The following KIF5C variants were observed in gnomAD, a reference collection of about 807,000 sequenced individuals.
The protein encoded by KIF5C is kinesin family member 5C, also known as kinesin heavy chain isoform 5C.
Under a neutral mutation model 125.2 loss-of-function variants are expected in KIF5C, and 18 were observed. The observed-to-expected ratio is 0.14, with a 90% CI of 0.10 to 0.21. The LOEUF (loss-of-function observed/expected upper bound fraction) is 0.21. KIF5C is among the 10% of genes least tolerant of loss of function. The probability of loss-of-function intolerance (pLI) is 1.00; values close to 1 mark genes in which losing one functional copy is unlikely to be tolerated. For synonymous variants in KIF5C, 405 were observed against 434.0 expected (o/e 0.93, Z 0.83); for missense variants, 780 against 1,183.8 (o/e 0.66, Z 5.01).
At chr2:148,972,940 A>G (rs1680958229) in intron 11 of KIF5C, among the ~76,000 whole-genome samples, 1 of 152,210 alleles carries the variant, frequency 6.6e-6, no homozygotes. Flanking sequence ...TAATTAATTC[A>G]TAATTAGGAT....
chr2:149,003,148 G>A (rs1447727324), intron 21 of KIF5C, among the ~76,000 whole-genome samples: 1 of 152,170 alleles, frequency 6.6e-6, no homozygotes, highest in Non-Finnish European at 1.5e-5. Context: ...AGTGTATGCC[G>A]TTTTAGACTC....
chr2:148,997,925 T>A (rs1681728216), intron 18 of KIF5C: 1 of 167,310 alleles, frequency 6.0e-6, no homozygotes, highest in African/African-American at 2.4e-5. Flanking sequence ...GTCGTGGGAG[T>A]CCCTTTCCTG....
chr2:148,963,489 C>A (rs1279844946), intron 11 of KIF5C, among the ~76,000 whole-genome samples: 1 of 152,160 alleles, frequency 6.6e-6, no homozygotes, highest in Non-Finnish European at 1.5e-5. Flanking sequence ...CAAAAATGAC[C>A]TAGTAGTCTA....
intron 24 of KIF5C, among the ~76,000 whole-genome samples, chr2:149,010,823 G>A (rs571592441): frequency 6.6e-6 from 1 of 152,344 alleles, no homozygotes; most frequent in Non-Finnish European, 1.5e-5. Flanking sequence ...ATCCATGACA[G>A]GGTGTGGCTA....
intron 1 of KIF5C, chr2:148,883,645 A>G (rs1438406110): frequency 1.3e-5 from 2 of 152,172 alleles, no homozygotes; most frequent in Non-Finnish European, 2.9e-5. Context: ...AAACTGTTTT[A>G]CTTAATAGTA....
At chr2:149,018,709 T>TA (rs569715692) in intron 25 of KIF5C, among the ~76,000 whole-genome samples, 110 of 152,180 alleles carry the variant, frequency 7.2e-4, no homozygotes, top group South Asian at 4.6e-3. Flanking sequence ...TATGGCAGCT[T>TA]ACGCCTGTAG....
At chr2:148,894,231 T>C (rs974414152) in intron 1 of KIF5C, among the ~76,000 whole-genome samples, 1 of 152,236 alleles carries the variant, frequency 6.6e-6, no homozygotes, top group African/African-American at 2.4e-5. Flanking sequence ...AGTTATCCAG[T>C]TGGCAGTGCC....
chr2:148,984,651 C>T (rs546874418), intron 15 of KIF5C, among the ~76,000 whole-genome samples: 1 of 152,276 alleles, frequency 6.6e-6, no homozygotes, highest in East Asian at 1.9e-4. Flanking sequence ...CCTTACACTT[C>T]ATTGGCCAGA....
rs950424699 is a variant in KIF5C at position 149,026,441 on chromosome 2, C to A, written c.*3371C>A. ...GGGCATTCTGTAGAATTATACATGT[C>A]TAGTTTGTAAAGTGTGTCCTGTGTA... On this transcript the variant is annotated 3_prime_UTR_variant, in exon 26 of 26. Coordinates refer to ENST00000435030, the MANE Select transcript of KIF5C (RefSeq NM_004522.3). The A allele has an allele frequency of 6.6e-6, 1 of 152,170 alleles. No individual in the cohort carries two copies. The highest frequency in any genetic ancestry group is 1.5e-5 in the Non-Finnish European group (1 of 68,028). The allele number at this position is 152,170 out of a possible 1,614,324, so 9.4% of individuals were successfully genotyped here. A position where few individuals can be genotyped will look rare whatever the true frequency, so the allele number is the denominator to read the frequency against.
chr2:148,906,480 G>A lies in KIF5C; in HGVS notation c.127-15657G>A, dbSNP rs1462191067. ...GACACAGTAGCTCATGCCTGTAATC[G>A]CAGCTAAGGTGGGAGTATTGCTTGA... On this transcript the variant is annotated intron_variant, in intron 1 of 25. Transcript: ENST00000435030. Among the ~76,000 whole-genome samples, 7 of 152,214 alleles carry A rather than the reference G, an allele frequency of 4.6e-5. No homozygotes were observed. In the East Asian group the frequency reaches 9.7e-4, roughly 21 times the overall value.
In KIF5C at chr2:149,014,440, G is replaced by A. The variant is rs192841352; in HGVS notation, c.*7+2757G>A. On this transcript the variant is annotated intron_variant, in intron 25 of 25. Transcript: ENST00000435030. ...GCTTCAGACACAGCTTCTGTAACTA[G>A]GTGCTTCTCTCACCAGGTTACAAAA... Among the ~76,000 whole-genome samples the A allele has an allele frequency of 2.0e-3, 303 of 152,280 alleles. 2 individuals are homozygous for A. Among genetic ancestry groups the A allele is most frequent in the African/African-American group, 6.9e-3 (287 of 41,540 alleles).
intron 15 of KIF5C, among the ~76,000 whole-genome samples, chr2:148,987,039 T>G (rs1434160018): frequency 1.3e-5 from 2 of 152,208 alleles, no homozygotes; most frequent in African/African-American, 2.4e-5. Flanking sequence ...TTTTTCATAA[T>G]GGGTTGCAGC....
intron 14 of KIF5C, 142 bp from the exon 15 acceptor site, chr2:148,983,478 C>G: frequency 8.5e-7 from 1 of 1,181,762 alleles, no homozygotes; most frequent in Non-Finnish European, 1.1e-6. Context: ...CAGTGCTATG[C>G]GAGAGTTTGC....
At chr2:149,006,533 G>T (rs1253385313) in intron 22 of KIF5C, among the ~76,000 whole-genome samples, 1 of 152,208 alleles carries the variant, frequency 6.6e-6, no homozygotes, top group Non-Finnish European at 1.5e-5. Context: ...CATGGTTCAG[G>T]CTGCCAAGGT....
At chr2:148,978,433 CT>C (rs1197597329) in intron 12 of KIF5C, among the ~76,000 whole-genome samples, 1 of 136,954 alleles carries the variant, frequency 7.3e-6, no homozygotes, top group Non-Finnish European at 1.5e-5. Flanking sequence ...TCATTTTTCT[CT>C]GGTCTGAGAG....
At chr2:148,964,504 C>T (rs1264156321) in intron 11 of KIF5C, among the ~76,000 whole-genome samples, 5 of 152,058 alleles carry the variant, frequency 3.3e-5, no homozygotes, top group African/African-American at 7.2e-5. Context: ...ACGGTCTGAG[C>T]GGGGAGGAAG....
At chr2:148,887,690 T>G (rs1214961120) in intron 1 of KIF5C, among the ~76,000 whole-genome samples, 2 of 151,498 alleles carry the variant, frequency 1.3e-5, no homozygotes, top group Non-Finnish European at 2.9e-5. Flanking sequence ...GCTTTTTTTT[T>G]TTTTAAATTC....
chr2:148,977,075 A>G (rs1460637407), intron 12 of KIF5C, among the ~76,000 whole-genome samples: 1 of 152,254 alleles, frequency 6.6e-6, no homozygotes, highest in Non-Finnish European at 1.5e-5. Context: ...GACTTTAAAA[A>G]AAATCACAGT....
Position 149,010,292 on chromosome 2 carries a change from G to A in KIF5C, c.2708G>A (p.Arg903His), listed in dbSNP as rs758719819. The A allele has an allele frequency of 8.8e-6, 14 of 1,596,746 alleles. No individual in the cohort carries two copies. The highest frequency in any genetic ancestry group is 2.3e-5 in the East Asian group (1 of 43,890). The change falls in exon 24 of 26, where the codon CGT becomes CAT. Residue 903 changes from arginine to histidine, a missense_variant. By Grantham distance (29) the Arg-to-His change is conservative. This residue lies in a region of KIF5C where 573 missense variants were observed against 742.6 expected (regional missense o/e 0.77). Transcript: ENST00000435030. ...AAGCGCTACCAGCAGGAGGTGGATCGTATCAAGGAGGCCGTGCGGGCCAAG... is the reference window on the plus strand; with the variant it reads ...AAGCGCTACCAGCAGGAGGTGGATCATATCAAGGAGGCCGTGCGGGCCAAG... The part of the protein sequence containing the change: ...DRKRYQQEVD[R>H]IKEAVRAKNM...
Sources: allele counts gnomAD v4.1 joint callset (sites outside exome capture counted in the v4.1 genomes callset), GRCh38; gene constraint gnomAD v4.1.1; regional missense constraint gnomAD v4.1.1; transcripts MANE v1.5; gene names NCBI Gene and HGNC (gene_info 2026-07-23, HGNC 2026-07-21).